The following LRRC4C variants were observed in gnomAD, a reference collection of about 807,000 sequenced individuals.
LRRC4C encodes the protein leucine rich repeat containing 4C, also known as leucine-rich repeat-containing protein 4C.
LRRC4C carries 5 observed loss-of-function variants against 33.6 expected under a neutral mutation model. That is an observed-to-expected ratio of 0.15 (90% CI 0.08 to 0.31). LRRC4C has a LOEUF of 0.31. Ranked by LOEUF, LRRC4C falls within the 10% of genes least tolerant of loss-of-function variation. LRRC4C has a pLI of 1.00. For missense variants in LRRC4C, 560 were observed against 796.7 expected (o/e 0.70, Z 3.58); for synonymous variants, 329 against 302.0 (o/e 1.09, Z -0.93).
intron 3 of LRRC4C, among the ~76,000 whole-genome samples, chr11:40,420,024 CAGAT>C (rs1950467125): frequency 1.3e-5 from 2 of 152,168 alleles, no homozygotes; most frequent in East Asian, 1.9e-4. Context: ...AAGGTGTAAA[CAGAT>C]AGGCAGTAAA....
In LRRC4C at chr11:41,438,157, C is replaced by T. The variant is rs1374785282; in HGVS notation, c.-496+21274G>A. 3.3e-5 allele frequency among the ~76,000 whole-genome samples: 5 copies of T among 151,602 alleles called. No homozygotes were observed. In the East Asian group the frequency reaches 9.7e-4, roughly 29 times the overall value. On this transcript the variant is annotated intron_variant, in intron 1 of 6. Transcript: ENST00000528697. ...GAAATGGATGAAGAAAAAAAGAGAC[C>T]AACAATTTTTATGCAAATAACATGT...
At chr11:41,266,490 A>C (rs1949156011) in intron 1 of LRRC4C, among the ~76,000 whole-genome samples, 1 of 152,116 alleles carries the variant, frequency 6.6e-6, no homozygotes, top group African/African-American at 2.4e-5. Flanking sequence ...AAAGAGAAAA[A>C]GGAATAGACA....
At chr11:40,175,022 C>T (rs1565090510) in intron 5 of LRRC4C, among the ~76,000 whole-genome samples, 1 of 152,120 alleles carries the variant, frequency 6.6e-6, no homozygotes, top group Non-Finnish European at 1.5e-5. Context: ...GATTGATGAT[C>T]TAGAATATAG....
chr11:40,232,695 C>G (rs1828371303), intron 5 of LRRC4C, among the ~76,000 whole-genome samples: 1 of 152,194 alleles, frequency 6.6e-6, no homozygotes, highest in Admixed American at 6.5e-5. Flanking sequence ...AAAGCCAAAA[C>G]AGTGAAAATA....
At chr11:40,878,086 A>T (rs2135995693) in intron 2 of LRRC4C, among the ~76,000 whole-genome samples, 1 of 152,188 alleles carries the variant, frequency 6.6e-6, no homozygotes, top group East Asian at 1.9e-4. Flanking sequence ...AGGGCTTGTG[A>T]GCTTACCAAA....
intron 6 of LRRC4C, among the ~76,000 whole-genome samples, chr11:40,118,770 G>C (rs1282053269): frequency 1.3e-5 from 2 of 152,140 alleles, no homozygotes; most frequent in Non-Finnish European, 2.9e-5. Context: ...AAGACTCTTA[G>C]GGGTTGGTTA....
At chr11:41,100,454 C>A (rs1941101684) in intron 1 of LRRC4C, among the ~76,000 whole-genome samples, 1 of 152,012 alleles carries the variant, frequency 6.6e-6, no homozygotes, top group South Asian at 2.1e-4. Context: ...GTAATCCCAG[C>A]TGCTCATGAG....
At chr11:41,298,887 G>C (rs1211768897) in intron 1 of LRRC4C, among the ~76,000 whole-genome samples, 1 of 151,812 alleles carries the variant, frequency 6.6e-6, no homozygotes, top group Non-Finnish European at 1.5e-5. Context: ...AAGTGAGAAT[G>C]TGGTATTTGA....
intron 3 of LRRC4C, among the ~76,000 whole-genome samples, chr11:40,426,381 T>TG (rs1200698851): frequency 1.3e-5 from 2 of 151,748 alleles, no homozygotes; most frequent in African/African-American, 2.4e-5. Context: ...CAGCCACTTT[T>TG]TTTTTTAATC....
At chr11:41,190,928 C>T (rs1201577219) in intron 1 of LRRC4C, among the ~76,000 whole-genome samples, 2 of 152,130 alleles carry the variant, frequency 1.3e-5, no homozygotes, top group Non-Finnish European at 2.9e-5. Flanking sequence ...CTTGCAGTAA[C>T]TTACTGTTGT....
At chr11:40,151,950 A>C (rs1428570322) in intron 5 of LRRC4C, among the ~76,000 whole-genome samples, 1 of 152,196 alleles carries the variant, frequency 6.6e-6, no homozygotes, top group Non-Finnish European at 1.5e-5. Flanking sequence ...GGAAGGGATC[A>C]TGGTGGGATG....
chr11:41,177,908 C>T (rs1945275293), intron 1 of LRRC4C, among the ~76,000 whole-genome samples: 1 of 152,048 alleles, frequency 6.6e-6, no homozygotes, highest in South Asian at 2.1e-4. Context: ...TTAACAAATC[C>T]CACAGCCAAG....
chr11:41,160,292 C>T (rs1944411710), intron 1 of LRRC4C, among the ~76,000 whole-genome samples: 1 of 151,492 alleles, frequency 6.6e-6, no homozygotes, highest in Non-Finnish European at 1.5e-5. Context: ...TGACTTCATG[C>T]CAGGAGATCA....
chr11:41,140,336 T>C (rs1590727762), intron 1 of LRRC4C, among the ~76,000 whole-genome samples: 1 of 138,806 alleles, frequency 7.2e-6, no homozygotes, highest in Admixed American at 7.1e-5. Context: ...AGGGTGCCTC[T>C]TTGCTTCCTT....
rs1016823710 is a variant in LRRC4C at position 40,183,708 on chromosome 11, T to C, written c.-95-42855A>G. ...CTAACAAGAGGAAAAAGAAACATGC[T>C]GTTTGAAGTGCTTGCATTTTGAAAA... On this transcript the variant is annotated intron_variant, in intron 5 of 6. Coordinates refer to ENST00000528697, the MANE Select transcript of LRRC4C (RefSeq NM_001258419.2). Among the ~76,000 whole-genome samples the C allele has an allele frequency of 2.0e-5, 3 of 152,236 alleles. 1 individual carries two copies. In the East Asian group the frequency reaches 5.8e-4, roughly 29 times the overall value.
At chr11:41,428,634 A>G (rs1955125692) in intron 1 of LRRC4C, among the ~76,000 whole-genome samples, 1 of 152,112 alleles carries the variant, frequency 6.6e-6, no homozygotes, top group African/African-American at 2.4e-5. Flanking sequence ...TATACGTTGT[A>G]TAGGTTGTCA....
chr11:40,193,573 C>T (rs1326220686), intron 5 of LRRC4C, among the ~76,000 whole-genome samples: 1 of 152,112 alleles, frequency 6.6e-6, no homozygotes, highest in Non-Finnish European at 1.5e-5. Flanking sequence ...GACTCCTCGC[C>T]AGCAAGGGAA....
intron 2 of LRRC4C, among the ~76,000 whole-genome samples, chr11:40,812,204 T>C (rs1365265550): frequency 6.6e-6 from 1 of 152,184 alleles, no homozygotes; most frequent in Non-Finnish European, 1.5e-5. Flanking sequence ...TAATCCTAAT[T>C]TGTAGGAACA....
chr11:41,148,119 A>G (rs1943813369), intron 1 of LRRC4C, among the ~76,000 whole-genome samples: 1 of 152,016 alleles, frequency 6.6e-6, no homozygotes, highest in Non-Finnish European at 1.5e-5. Flanking sequence ...CCCAGGTCCA[A>G]ACAATCCTGC....
Sources: allele counts gnomAD v4.1 joint callset (sites outside exome capture counted in the v4.1 genomes callset), GRCh38; gene constraint gnomAD v4.1.1; transcripts MANE v1.5; gene names NCBI Gene and HGNC (gene_info 2026-07-23, HGNC 2026-07-21).